Variants in RABGAP1 observed in about 807,000 individuals in gnomAD.
RABGAP1 encodes the protein RAB GTPase activating protein 1.
In RABGAP1, 23 loss-of-function variants were observed where a neutral mutation model predicts 137.6. That is an observed-to-expected ratio of 0.17 (90% CI 0.12 to 0.24). The LOEUF (loss-of-function observed/expected upper bound fraction) is 0.24. Ranked by LOEUF, RABGAP1 falls within the 10% of genes least tolerant of loss-of-function variation. The pLI is 1.00. For missense variants in RABGAP1, 906 were observed against 1,275.8 expected, an observed-to-expected ratio of 0.71 and a Z score of 4.42; for synonymous variants, 451 against 450.7, an observed-to-expected ratio of 1.00 and a Z score of -0.01.
intron 19 of RABGAP1, among the ~76,000 whole-genome samples, chr9:123,078,477 C>T (rs1036153188): frequency 2.6e-5 from 4 of 152,010 alleles, no homozygotes; most frequent in South Asian, 2.1e-4. Context: ...ATGATGGCTA[C>T]GACTATAATT....
chr9:123,081,424 TTTGTTGTCA>T (rs1201406516), intron 19 of RABGAP1, among the ~76,000 whole-genome samples: 5 of 152,100 alleles, frequency 3.3e-5, no homozygotes, highest in Non-Finnish European at 7.4e-5. Flanking sequence ...GATAGCTACT[TTTGTTGTCA>T]TTGTTGTGAT....
At chr9:123,000,182 T>G (rs962012483) in intron 10 of RABGAP1, among the ~76,000 whole-genome samples, 15 of 152,202 alleles carry the variant, frequency 9.9e-5, no homozygotes, top group African/African-American at 3.6e-4. Context: ...GATTACAAGT[T>G]AAACATCTTA....
chr9:123,103,021 G>A (rs1052322612), intron 25 of RABGAP1, 70 bp from the exon 26 acceptor site: 10 of 1,554,846 alleles, frequency 6.4e-6, no homozygotes, highest in South Asian at 1.2e-5. Flanking sequence ...TCTTGTCTTG[G>A]TTCTCCTCTG....
At position 123,065,387 on chromosome 9, in the gene RABGAP1, C is replaced by T; in HGVS notation, c.1834C>T (p.Arg612Ter). 6.2e-7 allele frequency: 1 copy of T among 1,613,130 alleles called. No individual in the cohort carries two copies. Among genetic ancestry groups the T allele is most frequent in the Non-Finnish European group, 8.5e-7 (1 of 1,179,348 alleles). Residue 612 changes from arginine to a stop codon, truncating the protein, a stop_gained, in exon 14 of 26, where the codon CGA (arginine) becomes TGA (stop). Coordinates refer to ENST00000373647, the MANE Select transcript of RABGAP1 (RefSeq NM_012197.4). LOFTEE classifies it high-confidence loss of function. ...CAGTGCTATCACCCGGGATATTAACCGAACATTCCCAGCCCATGACTACTT... is the reference window on the plus strand; with the variant it reads ...CAGTGCTATCACCCGGGATATTAACTGAACATTCCCAGCCCATGACTACTT... Reference protein sequence around the residue: ...QDSAITRDINRTFPAHDYFKD... With the variant: ...QDSAITRDIN
In RABGAP1 at chr9:122,998,734, A is replaced by T; in HGVS notation, c.1342A>T (p.Thr448Ser). ...RLFWPFSKRS[T>S]TENFFLKLKQ... ...ATTCTGGCCCTTCAGCAAACGTAGT[A>T]CTACTGAAAATTTCTTTTTGAAACT... Residue 448 changes from threonine (T) to serine (S), a missense_variant, in exon 10 of 26, where the codon ACT (threonine) becomes TCT (serine). Physicochemically the swap from Thr to Ser is moderately conservative, Grantham distance 58. Coordinates refer to ENST00000373647, the MANE Select transcript of RABGAP1 (RefSeq NM_012197.4). The T allele has an allele frequency of 6.2e-7, 1 of 1,604,252 alleles. No individual in the cohort carries two copies. The highest frequency in any genetic ancestry group is 8.5e-7 in the Non-Finnish European group (1 of 1,175,738).
chr9:123,051,574 CAT>C (rs981449657), intron 13 of RABGAP1, among the ~76,000 whole-genome samples: 1 of 151,272 alleles, frequency 6.6e-6, no homozygotes, highest in Non-Finnish European at 1.5e-5. Context: ...TTAAGAGTGT[CAT>C]ATATTTCTCT....
intron 1 of RABGAP1, among the ~76,000 whole-genome samples, 179 bp from the exon 2 acceptor site, chr9:122,956,832 T>C (rs1334512913): frequency 6.6e-6 from 1 of 152,024 alleles, no homozygotes; most frequent in African/African-American, 2.4e-5. Context: ...TTGAATAGCA[T>C]GAAATTCCCT....
chr9:122,961,801 G>C (rs945255416), intron 2 of RABGAP1, among the ~76,000 whole-genome samples: 1 of 152,068 alleles, frequency 6.6e-6, no homozygotes, highest in Non-Finnish European at 1.5e-5. Context: ...ATAGTATATT[G>C]TTGGGCCTAT....
intron 19 of RABGAP1, among the ~76,000 whole-genome samples, chr9:123,087,144 G>C (rs186658032): frequency 6.6e-6 from 1 of 152,270 alleles, no homozygotes; most frequent in East Asian, 1.9e-4. Flanking sequence ...GATACTGAGG[G>C]AGAATCAACC....
chr9:123,022,126 T>G (rs1421051286), intron 13 of RABGAP1, among the ~76,000 whole-genome samples: 1 of 152,230 alleles, frequency 6.6e-6, no homozygotes, highest in Non-Finnish European at 1.5e-5. Flanking sequence ...ACTACTTATT[T>G]TTTTTGAAGT....
chr9:123,098,973 A>G (rs1357683306), intron 23 of RABGAP1, among the ~76,000 whole-genome samples, 175 bp downstream of exon 23: 1 of 151,370 alleles, frequency 6.6e-6, no homozygotes, highest in Non-Finnish European at 1.5e-5. Flanking sequence ...AAGAAGGAAA[A>G]TCATCCCTGC....
At chr9:123,065,531 C>T in intron 14 of RABGAP1, 70 bp downstream of exon 14, 2 of 1,117,184 alleles carry the variant, frequency 1.8e-6, no homozygotes, top group Non-Finnish European at 2.7e-6. Context: ...ACATAAGAAA[C>T]AACTACAAAG....
intron 1 of RABGAP1, 96 bp from the exon 2 acceptor site, chr9:122,956,914 TA>T (rs933578068): frequency 6.9e-4 from 410 of 597,818 alleles, no homozygotes; most frequent in Middle Eastern, 9.1e-4. Flanking sequence ...TTGAAGCATT[TA>T]AAAAAAAATT....
chr9:123,058,783 CAAGG>C (rs1043893526), intron 13 of RABGAP1, among the ~76,000 whole-genome samples: 1 of 152,304 alleles, frequency 6.6e-6, no homozygotes, highest in Middle Eastern at 3.4e-3. Flanking sequence ...AATATAAACA[CAAGG>C]AAGAGTGACA....
At chr9:122,987,994 AAAT>A (rs1361623488) in intron 4 of RABGAP1, among the ~76,000 whole-genome samples, 1 of 152,158 alleles carries the variant, frequency 6.6e-6, no homozygotes, top group African/African-American at 2.4e-5. Flanking sequence ...GATTGTAGTA[AAAT>A]AATCTGTATA....
intron 2 of RABGAP1, among the ~76,000 whole-genome samples, chr9:122,959,805 C>G (rs1486715037): frequency 6.6e-6 from 1 of 152,200 alleles, no homozygotes. Flanking sequence ...ATGCCTGTTT[C>G]TGGCCAAGTG....
intron 9 of RABGAP1, among the ~76,000 whole-genome samples, chr9:122,998,092 T>TTTTA (rs1289173275): frequency 1.6e-4 from 24 of 151,898 alleles, no homozygotes; most frequent in African/African-American, 3.1e-4. Context: ...ATTTTTTTTA[T>TTTTA]TTTATTTATT....
At chr9:123,057,355 C>T (rs1316734383) in intron 13 of RABGAP1, among the ~76,000 whole-genome samples, 10 of 147,744 alleles carry the variant, frequency 6.8e-5, no homozygotes, top group South Asian at 2.2e-4. Flanking sequence ...CGGGCAGAGA[C>T]GCTCCTCACC....
At chr9:122,966,105 T>C (rs1052718445) in intron 2 of RABGAP1, among the ~76,000 whole-genome samples, 2 of 152,170 alleles carry the variant, frequency 1.3e-5, no homozygotes, top group African/African-American at 4.8e-5. Flanking sequence ...ATATTACATT[T>C]GAGTTGACTG....
Sources: gnomAD v4.1 joint callset for allele counts (sites outside exome capture counted in the v4.1 genomes callset) on GRCh38, gnomAD v4.1.1 for gene constraint, MANE v1.5 for transcripts, NCBI Gene and HGNC (gene_info 2026-07-23, HGNC 2026-07-21) for gene names.